The following MYL1 variants were observed in gnomAD, a reference collection of about 807,000 sequenced individuals.
MYL1 encodes the protein myosin light chain 1.
MYL1 carries 16 observed loss-of-function variants against 21.8 expected under a neutral mutation model. The observed-to-expected ratio is 0.74, with a 90% CI of 0.50 to 1.12. MYL1 has a LOEUF of 1.12. MYL1 is among the 50% of genes most tolerant of loss of function. The probability of loss-of-function intolerance (pLI) is 0.00; values close to 1 mark genes in which losing one functional copy is unlikely to be tolerated. For synonymous variants in MYL1, 99 were observed against 85.2 expected, an observed-to-expected ratio of 1.16 and a Z score of -0.89; for missense variants, 246 against 241.0, an observed-to-expected ratio of 1.02 and a Z score of -0.14.
intron 2 of MYL1, among the ~76,000 whole-genome samples, chr2:210,299,514 G>A (rs1012098204): frequency 2.6e-5 from 4 of 152,126 alleles, no homozygotes; most frequent in African/African-American, 4.8e-5. Context: ...AGTATACACA[G>A]CCATTCCCAT....
intron 3 of MYL1, 39 bp from the exon 4 acceptor site, chr2:210,294,457 T>C (rs1228695676): frequency 3.8e-6 from 6 of 1,566,954 alleles, no homozygotes; most frequent in East Asian, 2.3e-5. Context: ...TTAGCTACCA[T>C]AATACTAACT....
chr2:210,297,952 A>C (rs1690202861), intron 3 of MYL1, among the ~76,000 whole-genome samples: 1 of 152,110 alleles, frequency 6.6e-6, no homozygotes, highest in African/African-American at 2.4e-5. Flanking sequence ...ATTTACTCAG[A>C]ATTGTTTATA....
chr2:210,302,469 C>T lies in MYL1; in HGVS notation c.160+19G>A, dbSNP rs762822446. ...CTTTATGAGTGTGCACATTTAAGAA[C>T]CATAGCTTTTAAACTTACCATCCTG... is the stretch of plus-strand genomic sequence containing the variant. On this transcript the variant is annotated intron_variant, in intron 2 of 6. Coordinates refer to ENST00000352451, the MANE Select transcript of MYL1 (RefSeq NM_079420.3). 4.4e-6 allele frequency: 7 copies of T among 1,604,270 alleles called. No individual in the cohort carries two copies. In the South Asian group the frequency reaches 7.8e-5, roughly 18 times the overall value.
chr2:210,309,382 A>C (rs2125744361), intron 1 of MYL1, among the ~76,000 whole-genome samples: 1 of 152,164 alleles, frequency 6.6e-6, no homozygotes, highest in East Asian at 1.9e-4. Flanking sequence ...CAGTGAAAGG[A>C]AGAGTATAAA....
chr2:210,313,501 C>T (rs1690446528), intron 1 of MYL1, among the ~76,000 whole-genome samples: 1 of 151,956 alleles, frequency 6.6e-6, no homozygotes, highest in Admixed American at 6.6e-5. Context: ...GAACTGTATG[C>T]ATGCAGTCCT....
chr2:210,290,896 A>G, intron 6 of MYL1, 136 bp downstream of exon 6: 2 of 492,122 alleles, frequency 4.1e-6, no homozygotes, highest in Non-Finnish European at 7.1e-6. Context: ...TCAAGGCATT[A>G]ATATTTTCTA....
intron 1 of MYL1, among the ~76,000 whole-genome samples, chr2:210,307,700 T>C (rs1454749281): frequency 1.3e-5 from 2 of 152,166 alleles, no homozygotes; most frequent in African/African-American, 4.8e-5. Flanking sequence ...GTAACAGTAG[T>C]CTACAACATA....
chr2:210,303,446 C>A, intron 1 of MYL1: 2 of 1,153,612 alleles, frequency 1.7e-6, no homozygotes, highest in Admixed American at 2.3e-5. Flanking sequence ...ATGTTCTCTC[C>A]TCAGTTCCAT....
Position 210,293,758 on chromosome 2 carries a change from C to T in MYL1, c.521G>A (p.Gly174Asp), listed in dbSNP as rs1233701514. ...KEEEVEALMA[G>D]QEDSNGCINY... ...GATGCAGCCATTGGAGTCTTCTTGA[C>T]CTGCCATCAGGGCTTCCACTTCTTC... Residue 174 changes from glycine to aspartate, a missense_variant, in exon 5 of 7, where the codon GGT becomes GAT. Transcript: ENST00000352451. The T allele has an allele frequency of 1.2e-6, 2 of 1,614,060 alleles. No individual in the cohort carries two copies. Among genetic ancestry groups the T allele is most frequent in the Middle Eastern group, 1.6e-4 (1 of 6,062 alleles).
At chr2:210,302,616 G>A in intron 1 of MYL1, 101 bp from the exon 2 acceptor site, 1 of 1,501,546 alleles carries the variant, frequency 6.7e-7, no homozygotes, top group Non-Finnish European at 9.1e-7. Context: ...TTCAAAGTAA[G>A]CTCCAAAAGT....
In MYL1 at chr2:210,315,094, C is replaced by T; in HGVS notation, c.-52G>A. On this transcript the variant is annotated 5_prime_UTR_variant, in exon 1 of 7. Coordinates refer to ENST00000352451, the MANE Select transcript of MYL1 (RefSeq NM_079420.3). ...AAGAGAAGGAGTTCCTCCAAAAGAACCTGTCAAAATGATTCTTGGAAGAGG... is the reference window on the plus strand; with the variant it reads ...AAGAGAAGGAGTTCCTCCAAAAGAATCTGTCAAAATGATTCTTGGAAGAGG... The T allele has an allele frequency of 6.3e-7, 1 of 1,580,622 alleles. No individual in the cohort carries two copies.
rs149488486 is a variant in MYL1 at position 210,308,609 on chromosome 2, T to A, written c.133-6094A>T. 4.3e-3 allele frequency among the ~76,000 whole-genome samples: 648 copies of A among 151,450 alleles called. 8 individuals carry two copies. The highest frequency in any genetic ancestry group is 0.015 in the African/African-American group (613 of 41,300). ...GCTATGAAGTCCTAGATCAGTCAACTGAATTCAGTCACATAAGAGCAAAAA... is the reference window on the plus strand; with the variant it reads ...GCTATGAAGTCCTAGATCAGTCAACAGAATTCAGTCACATAAGAGCAAAAA... On this transcript the variant is annotated intron_variant, in intron 1 of 6. Coordinates refer to ENST00000352451, the MANE Select transcript of MYL1 (RefSeq NM_079420.3).
chr2:210,296,190 G>A (rs1201441955), intron 3 of MYL1, among the ~76,000 whole-genome samples: 2 of 152,048 alleles, frequency 1.3e-5, no homozygotes, highest in Non-Finnish European at 2.9e-5. Flanking sequence ...TGTATTTACG[G>A]GGTAAAGTGT....
At chr2:210,309,949 C>T (rs1489522633) in intron 1 of MYL1, among the ~76,000 whole-genome samples, 1 of 151,998 alleles carries the variant, frequency 6.6e-6, no homozygotes. Flanking sequence ...AAATATAATT[C>T]TAGAGAAAAT....
chr2:210,314,473 G>A (rs570195621), intron 1 of MYL1, among the ~76,000 whole-genome samples: 10 of 152,170 alleles, frequency 6.6e-5, no homozygotes, highest in African/African-American at 1.7e-4. Context: ...AAGGACAACC[G>A]GGCCATCAGC....
intron 1 of MYL1, among the ~76,000 whole-genome samples, chr2:210,311,489 G>T (rs145432425): frequency 1.3e-5 from 2 of 151,772 alleles, no homozygotes; most frequent in Admixed American, 6.6e-5. Context: ...TTATAATATC[G>T]CTCACAATAT....
chr2:210,293,026 A>G (rs759080187), intron 5 of MYL1, among the ~76,000 whole-genome samples: 45 of 134,838 alleles, frequency 3.3e-4, no homozygotes, highest in Non-Finnish European at 3.9e-4. Flanking sequence ...TTCCCCTCTC[A>G]TTCTCTTCTC....
intron 3 of MYL1, 147 bp downstream of exon 3, chr2:210,298,273 T>C: frequency 5.3e-6 from 5 of 935,214 alleles, no homozygotes; most frequent in Non-Finnish European, 7.9e-6. Flanking sequence ...AGCCCTATTA[T>C]GTGAAACATT....
rs368874397 is a variant in MYL1, at chr2:210,290,852, C to T, written c.*14+180G>A. On this transcript the variant is annotated intron_variant, in intron 6 of 6. Transcript: ENST00000352451. ...ACCTCATAGGTTTTTGCTTATATCT[C>T]GTACAAAAATGCTCTATTTCTGAAT... 1.2e-4 allele frequency among the ~76,000 whole-genome samples: 18 copies of T among 151,946 alleles called. No homozygotes were observed. The East Asian group carries it at 1.7e-3, about 15-fold the overall frequency.
Sources: gnomAD v4.1 joint callset for allele counts (sites outside exome capture counted in the v4.1 genomes callset) on GRCh38, gnomAD v4.1.1 for gene constraint, MANE v1.5 for transcripts, NCBI Gene and HGNC (gene_info 2026-07-23, HGNC 2026-07-21) for gene names.